Variants in NCMAP observed in about 807,000 individuals in gnomAD.
NCMAP encodes noncompact myelin-associated protein.
NCMAP carries 8 observed loss-of-function variants against 7.8 expected under a neutral mutation model. That is an observed-to-expected ratio of 1.02 (90% CI 0.60 to 1.84). The LOEUF (loss-of-function observed/expected upper bound fraction) is 1.84, where lower values mean the gene tolerates loss of function less well. NCMAP is among the 40% of genes most tolerant of loss of function. The pLI is 0.00. For missense variants in NCMAP, 112 were observed against 131.4 expected (o/e 0.85, Z 0.72); for synonymous variants, 41 against 52.9 (o/e 0.78, Z 0.98).
intron 1 of NCMAP, among the ~76,000 whole-genome samples, chr1:24,583,690 T>A (rs1651799775): frequency 1.5e-5 from 2 of 133,476 alleles, no homozygotes; most frequent in Admixed American, 1.7e-4. Flanking sequence ...GACTCCAGAC[T>A]GGGTGACAGA....
chr1:24,572,432 G>A (rs1318318197), intron 1 of NCMAP, among the ~76,000 whole-genome samples: 3 of 150,822 alleles, frequency 2.0e-5, no homozygotes, highest in Non-Finnish European at 4.4e-5. Context: ...GAATGGTGCA[G>A]GCTGGGGCTG....
At position 24,576,781 on chromosome 1, in the gene NCMAP, G is replaced by C. The variant is rs866301506; in HGVS notation, c.-7-18643G>C. On this transcript the variant is annotated intron_variant, in intron 1 of 3. Transcript: ENST00000374392. The surrounding 1 kb of genome is among the most constrained non-coding windows in gnomAD (Gnocchi z 4.0). Reference sequence around the variant, plus strand: ...CTCTGTTGGAGTTTTCAAGATGGCCGTGTTAAGTAGGTGAGGTAGTGAGCC... The same window carrying C: ...CTCTGTTGGAGTTTTCAAGATGGCCCTGTTAAGTAGGTGAGGTAGTGAGCC... Among the ~76,000 whole-genome samples, 2 of 152,104 alleles carry C rather than the reference G, an allele frequency of 1.3e-5. No individual in the cohort carries two copies. The highest frequency in any genetic ancestry group is 2.9e-5 in the Non-Finnish European group (2 of 68,010).
intron 1 of NCMAP, among the ~76,000 whole-genome samples, chr1:24,593,314 G>A (rs1652105262): frequency 8.1e-6 from 1 of 124,036 alleles, no homozygotes; most frequent in Non-Finnish European, 1.7e-5. Context: ...ATGACATCTA[G>A]CCTCTATAAA....
intron 1 of NCMAP, among the ~76,000 whole-genome samples, chr1:24,577,177 T>C (rs76533561): frequency 1.3e-5 from 2 of 152,098 alleles, no homozygotes; most frequent in Non-Finnish European, 2.9e-5. Flanking sequence ...AAAAAGGATG[T>C]CACATGCTAA....
intron 1 of NCMAP, among the ~76,000 whole-genome samples, chr1:24,562,767 TCCCACCCCCACA>T (rs1475338243): frequency 6.6e-6 from 1 of 151,980 alleles, no homozygotes; most frequent in Non-Finnish European, 1.5e-5. Context: ...GCCCCTACAG[TCCCACCCCCACA>T]CCCACCCCCA....
At chr1:24,572,507 A>G (rs749740380) in intron 1 of NCMAP, among the ~76,000 whole-genome samples, 25 of 150,464 alleles carry the variant, frequency 1.7e-4, no homozygotes, top group Admixed American at 6.6e-4. Flanking sequence ...AGAGGAAGTG[A>G]AGAACCTGCT....
At chr1:24,603,337 A>G (rs57011922) in intron 3 of NCMAP, among the ~76,000 whole-genome samples, 8,198 of 152,132 alleles carry the variant, frequency 0.054, 754 homozygotes, top group African/African-American at 0.19. Flanking sequence ...CCACAATTAC[A>G]TGTAATAATA....
chr1:24,567,151 C>T (rs560978110), intron 1 of NCMAP, among the ~76,000 whole-genome samples: 4 of 152,264 alleles, frequency 2.6e-5, no homozygotes, highest in African/African-American at 7.2e-5. Context: ...ATCTCTTCCA[C>T]GCAGCCCATA....
chr1:24,577,401 G>GTTTTTTTTATTTTTTT (rs1651604988), intron 1 of NCMAP, among the ~76,000 whole-genome samples: 1 of 39,956 alleles, frequency 2.5e-5, no homozygotes, highest in Non-Finnish European at 4.5e-5. Flanking sequence ...CACTGGCCTT[G>GTTTTTTTTATTTTTTT]TTTTTTTTTT....
intron 1 of NCMAP, among the ~76,000 whole-genome samples, chr1:24,561,017 T>G (rs959358093): frequency 3.3e-5 from 5 of 151,886 alleles, no homozygotes; most frequent in Admixed American, 3.3e-4. Context: ...TTTGCCTTCA[T>G]GGGACCCATG....
At position 24,576,837 on chromosome 1, in the gene NCMAP, A is replaced by G. The variant is rs1651576397; in HGVS notation, c.-7-18587A>G. Among the ~76,000 whole-genome samples the G allele has an allele frequency of 6.6e-6, 1 of 152,106 alleles. No homozygotes were observed. Among genetic ancestry groups the G allele is most frequent in the African/African-American group, 2.4e-5 (1 of 41,416 alleles). ...GACCAAGACCTTGGGACTCAAAGAA[A>G]GGATGTTACACAGGACACAGTGGCT... is the stretch of plus-strand genomic sequence containing the variant. On this transcript the variant is annotated intron_variant, in intron 1 of 3. Transcript: ENST00000374392. This position sits in a 1 kb window ranked among gnomAD's most constrained non-coding sequence, Gnocchi z 4.0.
At chr1:24,591,298 C>T (rs1210424304) in intron 1 of NCMAP, among the ~76,000 whole-genome samples, 1 of 152,146 alleles carries the variant, frequency 6.6e-6, no homozygotes, top group Non-Finnish European at 1.5e-5. Flanking sequence ...TGGACTCTCA[C>T]TCTGTCACCC....
rs1177722419 is a variant in NCMAP, at chr1:24,606,120, G to C, written c.*373G>C. 5.1e-6 allele frequency: 1 copy of C among 194,332 alleles called. No individual in the cohort carries two copies. The highest frequency in any genetic ancestry group is 1.1e-5 in the Non-Finnish European group (1 of 95,088). The allele number at this position is 194,332 out of a possible 1,614,324, so 12.0% of individuals were successfully genotyped here. On this transcript the variant is annotated 3_prime_UTR_variant, in exon 4 of 4. Coordinates refer to ENST00000374392, the MANE Select transcript of NCMAP (RefSeq NM_001010980.5). ...TGCTGAGAGTATCACAATAGGATCTGTCACGGGGTTCATATCAGATGAAGC... is the reference window on the plus strand; with the variant it reads ...TGCTGAGAGTATCACAATAGGATCTCTCACGGGGTTCATATCAGATGAAGC...
intron 1 of NCMAP, among the ~76,000 whole-genome samples, chr1:24,559,492 A>G (rs996008512): frequency 6.6e-6 from 1 of 152,120 alleles, no homozygotes; most frequent in African/African-American, 2.4e-5. Flanking sequence ...GCGGAGCCAG[A>G]GGGGGAGCTG....
rs751625716 is a variant in NCMAP, at chr1:24,606,315, A to G, written c.*568A>G. The G allele has an allele frequency of 6.6e-6, 1 of 152,418 alleles. No individual in the cohort carries two copies. Among genetic ancestry groups the G allele is most frequent in the Non-Finnish European group, 1.5e-5 (1 of 68,204 alleles). The allele number at this position is 152,418 out of a possible 1,614,324, so 9.4% of individuals were successfully genotyped here. On this transcript the variant is annotated 3_prime_UTR_variant, in exon 4 of 4. Coordinates refer to ENST00000374392, the MANE Select transcript of NCMAP (RefSeq NM_001010980.5). ...CTCAGCACATTTTCCCCTCTTGAAG[A>G]AAGGTTGCAAGAAGAACTAAATTAT...
chr1:24,561,435 T>C (rs1206172578), intron 1 of NCMAP, among the ~76,000 whole-genome samples: 2 of 152,218 alleles, frequency 1.3e-5, no homozygotes, highest in Admixed American at 6.5e-5. Flanking sequence ...AGTCGCTTTT[T>C]CCTCTGGATT....
rs771424679 is a variant in NCMAP at position 24,595,551 on chromosome 1, C to T, written c.82+39C>T. ...CGCTTAGAGGCTGGGGGAAGGATGG[C>T]AGGACCAGTGTCATGGTCATAGTGC... On this transcript the variant is annotated intron_variant, in intron 2 of 3. Coordinates refer to ENST00000374392, the MANE Select transcript of NCMAP (RefSeq NM_001010980.5). The T allele has an allele frequency of 6.7e-6, 10 of 1,497,908 alleles. No individual in the cohort carries two copies. In the Admixed American group the frequency reaches 6.7e-5, roughly 10 times the overall value. The allele number at this position is 1,497,908 out of a possible 1,614,324, so 92.8% of individuals were successfully genotyped here.
intron 1 of NCMAP, among the ~76,000 whole-genome samples, chr1:24,590,697 T>A (rs573708314): frequency 6.6e-6 from 1 of 152,186 alleles, no homozygotes; most frequent in African/African-American, 2.4e-5. Context: ...GCCATCAAAC[T>A]CCTGGGCTCA....
At chr1:24,582,379 C>T (rs999358338) in intron 1 of NCMAP, among the ~76,000 whole-genome samples, 1 of 152,158 alleles carries the variant, frequency 6.6e-6, no homozygotes, top group African/African-American at 2.4e-5. Context: ...TTAGTTTGCA[C>T]AGCAAAAGGA....
Sources: gnomAD v4.1 joint callset for allele counts (sites outside exome capture counted in the v4.1 genomes callset) on GRCh38, gnomAD v4.1.1 for gene constraint, Gnocchi (gnomAD v3.1) non-coding constraint, MANE v1.5 for transcripts, NCBI Gene and HGNC (gene_info 2026-07-23, HGNC 2026-07-21) for gene names.